CPXM2: variants seen among roughly 807,000 people sequenced by gnomAD.
The protein encoded by CPXM2 is inactive carboxypeptidase-like protein X2.
In CPXM2, 66 loss-of-function variants were observed where a neutral mutation model predicts 86.1. That is an observed-to-expected ratio of 0.77 (90% CI 0.63 to 0.94). The LOEUF (loss-of-function observed/expected upper bound fraction) is 0.94, where lower values mean the gene tolerates loss of function less well. Among genes scored for constraint, CPXM2 ranks in the 40% least tolerant of loss-of-function variants. CPXM2 has a pLI of 0.00. For missense variants in CPXM2, 948 were observed against 1,026.3 expected, an observed-to-expected ratio of 0.92 and a Z score of 1.04; for synonymous variants, 388 against 400.2, an observed-to-expected ratio of 0.97 and a Z score of 0.36.
chr10:123,869,570 T>C (rs1282341102), intron 2 of CPXM2, among the ~76,000 whole-genome samples: 1 of 151,926 alleles, frequency 6.6e-6, no homozygotes, highest in African/African-American at 2.4e-5. Flanking sequence ...TTAAAGAGAG[T>C]GCAGCTCTCT....
At chr10:123,887,294 T>G (rs1341137063) in intron 1 of CPXM2, 1 of 152,126 alleles carries the variant, frequency 6.6e-6, no homozygotes, top group Non-Finnish European at 1.5e-5. Context: ...CTCGGATGGA[T>G]GAGTGTTCAC....
At chr10:123,863,961 G>A (rs1848920094) in intron 2 of CPXM2, among the ~76,000 whole-genome samples, 1 of 152,164 alleles carries the variant, frequency 6.6e-6, no homozygotes, top group East Asian at 1.9e-4. Context: ...TCCAGGGCAA[G>A]CTCTGAGAGT....
intron 4 of CPXM2, among the ~76,000 whole-genome samples, chr10:123,841,728 T>C (rs557410689): frequency 3.0e-4 from 46 of 152,370 alleles, no homozygotes; most frequent in African/African-American, 1.0e-3. Flanking sequence ...TGTATGCATA[T>C]GTCATAAGAC....
intron 4 of CPXM2, among the ~76,000 whole-genome samples, chr10:123,806,685 A>G (rs1847584662): frequency 6.6e-6 from 1 of 152,122 alleles, no homozygotes; most frequent in South Asian, 2.1e-4. Flanking sequence ...GGCATCAAGA[A>G]ACTTACAATC....
intron 2 of CPXM2, among the ~76,000 whole-genome samples, chr10:123,900,510 G>T (rs192507136): frequency 6.6e-6 from 1 of 152,342 alleles, no homozygotes; most frequent in African/African-American, 2.4e-5. Context: ...TTTAAATGAA[G>T]AGGTGTCATC....
At chr10:123,880,044 G>A (rs1390554560) in intron 2 of CPXM2, among the ~76,000 whole-genome samples, 167 bp downstream of exon 2, 3 of 152,212 alleles carry the variant, frequency 2.0e-5, no homozygotes, top group Non-Finnish European at 2.9e-5. Context: ...AGAAGCTGCC[G>A]TGAATGTTCT....
chr10:123,899,179 G>A lies in CPXM2; in HGVS notation n.175-18870C>T, dbSNP rs904866512. On this transcript the variant is annotated intron_variant and non_coding_transcript_variant, in intron 2 of 19. Coordinates refer to the CPXM2 transcript ENST00000368854. The stretch of plus-strand genomic sequence containing the variant: ...GAAAAGAATATAAAAGGCTCATTTC[G>A]TTATATAGACACTAAAAATCTTAAG... Among the ~76,000 whole-genome samples, 170 of 152,144 alleles carry A rather than the reference G, an allele frequency of 1.1e-3. 2 individuals carry two copies. The highest frequency in any genetic ancestry group is 4.3e-4 in the Non-Finnish European group (29 of 68,034).
At chr10:123,907,196 G>A (rs966962753) in intron 2 of CPXM2, among the ~76,000 whole-genome samples, 5 of 152,142 alleles carry the variant, frequency 3.3e-5, no homozygotes, top group South Asian at 4.1e-4. Flanking sequence ...CTGCCAACAC[G>A]ATTTGCTAGT....
At chr10:123,868,304 A>G (rs1436917713) in intron 2 of CPXM2, among the ~76,000 whole-genome samples, 2 of 152,208 alleles carry the variant, frequency 1.3e-5, no homozygotes, top group Non-Finnish European at 2.9e-5. Context: ...CCCAGCCACC[A>G]TGGGGAACTG....
At chr10:123,867,459 A>C (rs949721913) in intron 2 of CPXM2, among the ~76,000 whole-genome samples, 1 of 152,014 alleles carries the variant, frequency 6.6e-6, no homozygotes, top group Admixed American at 6.5e-5. Context: ...GAATTTCAGA[A>C]TATTTCAACC....
At chr10:123,841,281 C>G (rs1363034501) in intron 4 of CPXM2, among the ~76,000 whole-genome samples, 1 of 152,210 alleles carries the variant, frequency 6.6e-6, no homozygotes, top group Non-Finnish European at 1.5e-5. Flanking sequence ...GCAGCTCTAC[C>G]TCCGTCTCCA....
chr10:123,788,279 CAAAAA>C (rs55818352), intron 6 of CPXM2, among the ~76,000 whole-genome samples: 10 of 124,240 alleles, frequency 8.0e-5, no homozygotes, highest in Non-Finnish European at 1.0e-4. Context: ...GACCCCATCT[CAAAAA>C]AAAAAAAAAA....
At chr10:123,861,048 A>G (rs1280873335) in intron 3 of CPXM2, among the ~76,000 whole-genome samples, 1 of 152,116 alleles carries the variant, frequency 6.6e-6, no homozygotes. Context: ...CTTGGCTCAG[A>G]TGCCCCCAAT....
intron 2 of CPXM2, among the ~76,000 whole-genome samples, chr10:123,923,532 G>T (rs1227034101): frequency 1.3e-5 from 2 of 150,700 alleles, no homozygotes; most frequent in Non-Finnish European, 2.9e-5. Flanking sequence ...AGTGAGCCGA[G>T]ATCGCGCCAC....
At chr10:123,940,894 G>A (rs1460548556), upstream of CPXM2, among the ~76,000 whole-genome samples, 5 of 152,170 alleles carry the variant, frequency 3.3e-5, no homozygotes, top group Non-Finnish European at 5.9e-5. Context: ...GAAATGGGCC[G>A]GACACGGTGG....
upstream of CPXM2, among the ~76,000 whole-genome samples, chr10:123,943,763 G>A (rs7070932): frequency 2.0e-5 from 3 of 152,036 alleles, no homozygotes; most frequent in Non-Finnish European, 4.4e-5. Context: ...GCTGTCTGGC[G>A]CAATGAAGCC....
intron 6 of CPXM2, among the ~76,000 whole-genome samples, chr10:123,787,636 A>T (rs1337651614): frequency 5.3e-5 from 8 of 152,186 alleles, no homozygotes; most frequent in Non-Finnish European, 1.2e-4. Context: ...CATTACTGGG[A>T]CTTCAAAGGG....
intron 1 of CPXM2, among the ~76,000 whole-genome samples, chr10:123,887,725 C>T (rs1334291716): frequency 6.6e-6 from 1 of 152,046 alleles, no homozygotes; most frequent in African/African-American, 2.4e-5. Context: ...CACACATACA[C>T]AAACAAACAC....
intron 3 of CPXM2, among the ~76,000 whole-genome samples, chr10:123,856,839 G>T (rs1848734888): frequency 6.6e-6 from 1 of 152,124 alleles, no homozygotes; most frequent in African/African-American, 2.4e-5. Context: ...TGATCCACCC[G>T]CCTCGGCCTC....
Sources: allele counts gnomAD v4.1 joint callset (sites outside exome capture counted in the v4.1 genomes callset), GRCh38; gene constraint gnomAD v4.1.1; transcripts MANE v1.5; gene names NCBI Gene and HGNC (gene_info 2026-07-23, HGNC 2026-07-21).